The following SLC8A1 variants were observed in gnomAD, a reference collection of about 807,000 sequenced individuals.
SLC8A1 encodes solute carrier family 8 member A1.
Under a neutral mutation model 68.3 loss-of-function variants are expected in SLC8A1, and 18 were observed. That is an observed-to-expected ratio of 0.26 (90% confidence interval 0.18 to 0.39). SLC8A1 has a LOEUF of 0.39. Among genes scored for constraint, SLC8A1 ranks in the 10% least tolerant of loss-of-function variants. SLC8A1 has a pLI of 1.00. For missense variants in SLC8A1, 985 were observed against 1,156.7 expected (o/e 0.85, Z 2.15); for synonymous variants, 475 against 415.5 (o/e 1.14, Z -1.74).
chr2:40,244,105 C>T (rs1173744579), intron 2 of SLC8A1, among the ~76,000 whole-genome samples: 1 of 152,160 alleles, frequency 6.6e-6, no homozygotes, highest in African/African-American at 2.4e-5. Flanking sequence ...AACACAGCTG[C>T]AAGCCTTACA....
chr2:40,424,210 C>A, intron 2 of SLC8A1, among the ~76,000 whole-genome samples: 1 of 151,776 alleles, frequency 6.6e-6, no homozygotes, highest in East Asian at 1.9e-4. Context: ...GATTTCTCCA[C>A]ACAATTATCC....
At chr2:40,139,209 A>C (rs1475179711) in intron 7 of SLC8A1, among the ~76,000 whole-genome samples, 192 bp downstream of exon 10, 1 of 152,182 alleles carries the variant, frequency 6.6e-6, no homozygotes, top group Non-Finnish European at 1.5e-5. Context: ...TTGCAATGAC[A>C]CTGACCGGCT....
exon 6 of SLC8A1, chr2:40,160,839 T>G: frequency 1.2e-6 from 2 of 1,613,178 alleles, no homozygotes. Flanking sequence ...CAGGTTTGTC[T>G]TCTTAATGAG....
intron 7 of SLC8A1, among the ~76,000 whole-genome samples, chr2:40,131,406 A>C (rs1280041522): frequency 1.3e-5 from 2 of 152,230 alleles, no homozygotes; most frequent in Non-Finnish European, 2.9e-5. Flanking sequence ...ATGGGATGAG[A>C]AGAAATGATG....
At chr2:40,214,641 G>A (rs1035056588) in intron 2 of SLC8A1, among the ~76,000 whole-genome samples, 2 of 151,726 alleles carry the variant, frequency 1.3e-5, no homozygotes, top group Non-Finnish European at 2.9e-5. Flanking sequence ...TAGACACGGG[G>A]TTTCGCCAGG....
chr2:40,184,050 G>A (rs1348289443), intron 2 of SLC8A1, among the ~76,000 whole-genome samples: 2 of 151,980 alleles, frequency 1.3e-5, no homozygotes, highest in Non-Finnish European at 2.9e-5. Context: ...GGTAGTGCTT[G>A]CCTGCACCCC....
chr2:40,205,098 A>C (rs2055140527), intron 2 of SLC8A1, among the ~76,000 whole-genome samples: 1 of 151,984 alleles, frequency 6.6e-6, no homozygotes. Context: ...TGGCCAACTT[A>C]TTTCCTTTTA....
intron 4 of SLC8A1, among the ~76,000 whole-genome samples, chr2:40,170,612 A>G (rs977690951): frequency 2.0e-5 from 3 of 152,184 alleles, no homozygotes; most frequent in Non-Finnish European, 2.9e-5. Flanking sequence ...CACAAGCCCC[A>G]TGGTAGTGAG....
chr2:40,357,083 G>T (rs868388856), intron 2 of SLC8A1, among the ~76,000 whole-genome samples: 1 of 152,154 alleles, frequency 6.6e-6, no homozygotes, highest in South Asian at 2.1e-4. Context: ...GATATAGTAG[G>T]GTAGGAGGCA....
At chr2:40,277,386 A>G (rs1409553925) in intron 2 of SLC8A1, among the ~76,000 whole-genome samples, 1 of 152,096 alleles carries the variant, frequency 6.6e-6, no homozygotes, top group Non-Finnish European at 1.5e-5. Flanking sequence ...CTAAAAACAC[A>G]AAAATTAGCC....
chr2:40,461,834 C>T (rs1191303467), intron 1 of SLC8A1, among the ~76,000 whole-genome samples: 2 of 151,966 alleles, frequency 1.3e-5, no homozygotes, highest in African/African-American at 4.8e-5. Flanking sequence ...TTTTTGACAT[C>T]TTTCTGACAC....
chr2:40,483,056 G>C (rs979831761), intron 1 of SLC8A1, among the ~76,000 whole-genome samples: 1 of 150,520 alleles, frequency 6.6e-6, no homozygotes, highest in Non-Finnish European at 1.5e-5. Flanking sequence ...CGCCCGCCTC[G>C]GGCTCCCAAA....
At chr2:40,500,360 A>G (rs1377854152) in intron 1 of SLC8A1, among the ~76,000 whole-genome samples, 1 of 152,110 alleles carries the variant, frequency 6.6e-6, no homozygotes, top group East Asian at 1.9e-4. Flanking sequence ...AATGGCCTTG[A>G]GAAACACTGC....
intron 2 of SLC8A1, among the ~76,000 whole-genome samples, chr2:40,278,400 C>T (rs930943436): frequency 3.9e-5 from 6 of 152,070 alleles, no homozygotes; most frequent in South Asian, 2.1e-4. Context: ...ACCTGGGAAG[C>T]GGAGGTGGCA....
chr2:40,348,588 G>A (rs923899773), intron 2 of SLC8A1, among the ~76,000 whole-genome samples: 1 of 152,174 alleles, frequency 6.6e-6, no homozygotes, highest in African/African-American at 2.4e-5. Context: ...TAGTGGTCAC[G>A]TTTATTAGAG....
intron 1 of SLC8A1, among the ~76,000 whole-genome samples, chr2:40,474,451 AT>A (rs1167514280): frequency 6.6e-6 from 1 of 152,036 alleles, no homozygotes; most frequent in African/African-American, 2.4e-5. Flanking sequence ...TCAATTTCTA[AT>A]TTTTTTGACA....
Position 40,396,055 on chromosome 2 carries a change from G to A in SLC8A1, c.1808+32418C>T, listed in dbSNP as rs140743500. On this transcript the variant is annotated intron_variant, in intron 2 of 7. Coordinates refer to ENST00000406785, the Ensembl canonical transcript of SLC8A1. ...CATGGAAATGGGAAAGGGGTAAAAG[G>A]AAAGAAAGATAATACTTCCTGAAAA... Among the ~76,000 whole-genome samples, 10 of 152,166 alleles carry A rather than the reference G, an allele frequency of 6.6e-5. No homozygotes were observed. In the East Asian group the frequency reaches 7.7e-4, roughly 12 times the overall value.
At chr2:40,284,595 TATTAC>T (rs2068014294) in intron 2 of SLC8A1, among the ~76,000 whole-genome samples, 1 of 147,488 alleles carries the variant, frequency 6.8e-6, no homozygotes, top group African/African-American at 2.5e-5. Context: ...GATATTTTGT[TATTAC>T]ATTATATATA....
chr2:40,302,133 G>C (rs1206842759), intron 2 of SLC8A1, among the ~76,000 whole-genome samples: 2 of 149,358 alleles, frequency 1.3e-5, no homozygotes, highest in Admixed American at 1.4e-4. Flanking sequence ...CTGATCTCAA[G>C]TGATCCACCT....
Sources: gnomAD v4.1 joint callset for allele counts (sites outside exome capture counted in the v4.1 genomes callset) on GRCh38, gnomAD v4.1.1 for gene constraint, MANE v1.5 for transcripts, NCBI Gene and HGNC (gene_info 2026-07-23, HGNC 2026-07-21) for gene names.